The following TBCA variants were observed in gnomAD, a reference collection of about 807,000 sequenced individuals.
The protein encoded by TBCA is tubulin folding cofactor A, also known as tubulin-specific chaperone A.
In TBCA, 6 loss-of-function variants were observed where a neutral mutation model predicts 15.8. The ratio of observed to expected loss-of-function variants is 0.38; its 90% confidence interval spans 0.21 to 0.75. TBCA has a LOEUF of 0.75. Among genes scored for constraint, TBCA ranks in the 30% least tolerant of loss-of-function variants. The probability of loss-of-function intolerance (pLI) is 0.46; values close to 1 mark genes in which losing one functional copy is unlikely to be tolerated. For synonymous variants in TBCA, 32 were observed against 42.3 expected (o/e 0.76, Z 0.94); for missense variants, 90 against 131.2 (o/e 0.69, Z 1.53).
chr5:77,708,303 T>C lies in TBCA; in HGVS notation c.98A>G (p.Gln33Arg), dbSNP rs2112439079. The change falls in exon 2 of 4, where the codon CAA becomes CGA. Residue 33 changes from glutamine (Q) to arginine (R), a missense_variant. Coordinates refer to ENST00000380377, the MANE Select transcript of TBCA (RefSeq NM_004607.3). ...TCTCATTTTTTCAATCTTTTCTTCT[T>C]GTTGTTTTGCCTCTTTTTCATACAT... ...KVMYEKEAKQ[Q>R]EEKIEKMRAE... 1.2e-6 allele frequency: 2 copies of C among 1,611,942 alleles called. No homozygotes were observed. Among genetic ancestry groups the C allele is most frequent in the South Asian group, 2.2e-5 (2 of 90,732 alleles).
At chr5:77,758,537 C>G (rs1414155173) in intron 1 of TBCA, among the ~76,000 whole-genome samples, 2 of 152,202 alleles carry the variant, frequency 1.3e-5, no homozygotes, top group African/African-American at 4.8e-5. Context: ...CAGTAGCTTG[C>G]CGATGCTCCC....
chr5:77,702,754 C>A (rs1284095024), intron 2 of TBCA, among the ~76,000 whole-genome samples: 1 of 152,144 alleles, frequency 6.6e-6, no homozygotes, highest in East Asian at 1.9e-4. Flanking sequence ...TGTAACGACA[C>A]CTCTTTGAAT....
chr5:77,766,105 G>A (rs765943780), intron 1 of TBCA, among the ~76,000 whole-genome samples: 1 of 151,880 alleles, frequency 6.6e-6, no homozygotes, highest in Non-Finnish European at 1.5e-5. Flanking sequence ...ACATACCTAT[G>A]TCCCTACTAT....
At chr5:77,763,389 G>C (rs895972693) in intron 1 of TBCA, among the ~76,000 whole-genome samples, 4 of 152,186 alleles carry the variant, frequency 2.6e-5, no homozygotes, top group African/African-American at 9.7e-5. Context: ...GTCAATGAAA[G>C]GAATTCCCAC....
At chr5:77,760,685 G>A (rs1408539627) in intron 1 of TBCA, among the ~76,000 whole-genome samples, 1 of 152,228 alleles carries the variant, frequency 6.6e-6, no homozygotes, top group African/African-American at 2.4e-5. Flanking sequence ...GGGCTCCCGA[G>A]GTGCTGGGAT....
At chr5:77,699,039 A>C in intron 2 of TBCA, among the ~76,000 whole-genome samples, 1 of 147,976 alleles carries the variant, frequency 6.8e-6, no homozygotes, top group African/African-American at 2.5e-5. Context: ...GCATCAAAAA[A>C]AAAAAAAAAA....
intron 1 of TBCA, among the ~76,000 whole-genome samples, chr5:77,747,782 C>G (rs376691100): frequency 8.5e-5 from 13 of 152,096 alleles, no homozygotes; most frequent in East Asian, 5.8e-4. Context: ...ACATGAAGTA[C>G]AGATTCGTGT....
chr5:77,710,433 A>G (rs532886786), intron 1 of TBCA, among the ~76,000 whole-genome samples: 204 of 152,364 alleles, frequency 1.3e-3, no homozygotes, highest in African/African-American at 4.7e-3. Flanking sequence ...TTCCCTTTAA[A>G]TAGTAAAAGA....
At chr5:77,760,580 G>A (rs1036604822) in intron 1 of TBCA, among the ~76,000 whole-genome samples, 2 of 152,124 alleles carry the variant, frequency 1.3e-5, no homozygotes, top group African/African-American at 4.8e-5. Flanking sequence ...GCGCCACCAC[G>A]CCTGACTGGT....
chr5:77,747,761 T>C (rs1452011872), intron 1 of TBCA, among the ~76,000 whole-genome samples: 2 of 152,170 alleles, frequency 1.3e-5, no homozygotes, highest in South Asian at 4.1e-4. Context: ...ACTTTGGCAA[T>C]AGTGTTTGAA....
intron 3 of TBCA, 108 bp downstream of exon 3, chr5:77,693,158 T>A (rs763713109): frequency 6.5e-7 from 1 of 1,540,234 alleles, no homozygotes; most frequent in South Asian, 1.2e-5. Context: ...GGCAAGTGAA[T>A]AAGAAATACT....
chr5:77,706,555 C>T (rs1746154562), intron 2 of TBCA, among the ~76,000 whole-genome samples: 1 of 152,050 alleles, frequency 6.6e-6, no homozygotes, highest in African/African-American at 2.4e-5. Flanking sequence ...TGGCTCACCC[C>T]TGTAATCCCA....
intron 1 of TBCA, among the ~76,000 whole-genome samples, chr5:77,770,911 G>C (rs541225663): frequency 1.3e-5 from 2 of 152,220 alleles, no homozygotes; most frequent in Admixed American, 1.3e-4. Context: ...CACGGCAGGT[G>C]GATCACCTGA....
chr5:77,759,115 T>A (rs1221960795), intron 1 of TBCA, among the ~76,000 whole-genome samples: 2 of 152,210 alleles, frequency 1.3e-5, no homozygotes, highest in African/African-American at 4.8e-5. Flanking sequence ...TATAGCTACC[T>A]ACTGTAACAA....
intron 1 of TBCA, among the ~76,000 whole-genome samples, chr5:77,745,204 G>A (rs1747158937): frequency 6.6e-6 from 1 of 152,158 alleles, no homozygotes; most frequent in African/African-American, 2.4e-5. Context: ...GCAGAGAAGG[G>A]AGATTTTAGA....
chr5:77,754,974 G>A (rs907054904), intron 1 of TBCA, among the ~76,000 whole-genome samples: 10 of 151,846 alleles, frequency 6.6e-5, no homozygotes, highest in Non-Finnish European at 1.5e-4. Context: ...GGTACCTTGC[G>A]GCCAAAAACA....
At position 77,770,728 on chromosome 5, in the gene TBCA, T is replaced by TA. The variant is rs200258634; in HGVS notation, c.53+5476dup. 2.1e-3 allele frequency among the ~76,000 whole-genome samples: 278 copies of TA among 132,460 alleles called. 2 individuals carry two copies. The highest frequency in any genetic ancestry group is 3.6e-3 in the African/African-American group (122 of 34,198). 86.9% of individuals were successfully genotyped at this position (132,460 alleles called of 152,430 possible). A position where few individuals can be genotyped will look rare whatever the true frequency, so the allele number is the denominator to read the frequency against. ...CTGCTGGAAACATAGATCCAAATCT[T>TA]AAAAAAAAAAGAAAAAAAACAAAGA... On this transcript the variant is annotated intron_variant, in intron 1 of 3. Transcript: ENST00000380377.
intron 1 of TBCA, among the ~76,000 whole-genome samples, chr5:77,762,355 G>A (rs187453846): frequency 6.6e-6 from 1 of 152,198 alleles, no homozygotes; most frequent in Admixed American, 6.5e-5. Context: ...AGATTAATAC[G>A]TAGAAAATGA....
intron 1 of TBCA, among the ~76,000 whole-genome samples, chr5:77,710,310 T>C (rs1377621131): frequency 6.6e-6 from 1 of 152,210 alleles, no homozygotes; most frequent in African/African-American, 2.4e-5. Context: ...GCATTTGATT[T>C]ATAATTTAAA....
Sources: allele counts gnomAD v4.1 joint callset (sites outside exome capture counted in the v4.1 genomes callset), GRCh38; gene constraint gnomAD v4.1.1; transcripts MANE v1.5; gene names NCBI Gene and HGNC (gene_info 2026-07-23, HGNC 2026-07-21).